The following FHIT variants were observed in gnomAD, a reference collection of about 807,000 sequenced individuals.
FHIT encodes bis(5'-adenosyl)-triphosphatase.
In FHIT, 19 loss-of-function variants were observed where a neutral mutation model predicts 17.9. The observed-to-expected ratio is 1.06, with a 90% CI of 0.74 to 1.56. The LOEUF is 1.56. Among genes scored for constraint, FHIT ranks in the 40% most tolerant of loss-of-function variants. The probability of loss-of-function intolerance (pLI) is 0.00; values close to 1 mark genes in which losing one functional copy is unlikely to be tolerated. For synonymous variants in FHIT, 81 were observed against 69.7 expected, an observed-to-expected ratio of 1.16 and a Z score of -0.81; for missense variants, 248 against 189.2, an observed-to-expected ratio of 1.31 and a Z score of -1.82.
At position 60,919,688 on chromosome 3, in the gene FHIT, G is replaced by T. The variant is rs1352418666; in HGVS notation, c.-110-97677C>A. 2.6e-5 allele frequency among the ~76,000 whole-genome samples: 4 copies of T among 152,116 alleles called. No homozygotes were observed. The East Asian group carries it at 7.7e-4, about 29-fold the overall frequency. On this transcript the variant is annotated intron_variant, in intron 3 of 9. Coordinates refer to ENST00000492590, the MANE Select transcript of FHIT (RefSeq NM_002012.4). ...TTTCACATATTTCAAATACTTACCA[G>T]GTCTTCGAATACTTTACCTGTCTAA...
chr3:60,476,539 C>G (rs1011504403), intron 5 of FHIT, among the ~76,000 whole-genome samples: 1 of 152,248 alleles, frequency 6.6e-6, no homozygotes, highest in East Asian at 1.9e-4. Flanking sequence ...GAGGGGTAAG[C>G]AAGGCTAGAA....
Position 59,979,551 on chromosome 3 carries a change from T to C in FHIT, c.279+31820A>G, listed in dbSNP as rs563816459. Among the ~76,000 whole-genome samples, 7 of 152,210 alleles carry C rather than the reference T, an allele frequency of 4.6e-5. No individual in the cohort carries two copies. In the South Asian group the frequency reaches 1.2e-3, roughly 27 times the overall value. On this transcript the variant is annotated intron_variant, in intron 7 of 9. Transcript: ENST00000492590. ...TCCCTTGGGGACATTTTTTTTCCTA[T>C]GGATCCCAAAATCTTTTTTAAATAG...
At chr3:60,146,263 G>A (rs1359940787) in intron 5 of FHIT, among the ~76,000 whole-genome samples, 1 of 151,178 alleles carries the variant, frequency 6.6e-6, no homozygotes, top group African/African-American at 2.4e-5. Flanking sequence ...AAAAAAAAGG[G>A]CAGGGGGTAG....
At chr3:60,422,139 C>G (rs1225477863) in intron 5 of FHIT, among the ~76,000 whole-genome samples, 1 of 152,148 alleles carries the variant, frequency 6.6e-6, no homozygotes, top group African/African-American at 2.4e-5. Flanking sequence ...TGCTTATAAG[C>G]AGCAGATTTT....
chr3:60,230,737 TCTCA>T (rs556482726), intron 5 of FHIT, among the ~76,000 whole-genome samples: 338 of 152,324 alleles, frequency 2.2e-3, no homozygotes, highest in Non-Finnish European at 2.9e-3. Flanking sequence ...TGAGATTGAA[TCTCA>T]CTCTGTCTGC....
At chr3:60,262,308 C>A (rs1031126454) in intron 5 of FHIT, among the ~76,000 whole-genome samples, 1 of 152,028 alleles carries the variant, frequency 6.6e-6, no homozygotes, top group Admixed American at 6.6e-5. Flanking sequence ...GAACCAGTAG[C>A]ATGGTGTATT....
intron 4 of FHIT, among the ~76,000 whole-genome samples, chr3:60,578,449 ACAC>A (rs2037644943): frequency 6.6e-6 from 1 of 150,486 alleles, no homozygotes; most frequent in African/African-American, 2.5e-5. Context: ...AAACACACAC[ACAC>A]ACACACACAC....
At chr3:60,580,053 C>A (rs147345983) in intron 4 of FHIT, among the ~76,000 whole-genome samples, 2 of 152,224 alleles carry the variant, frequency 1.3e-5, no homozygotes, top group African/African-American at 2.4e-5. Flanking sequence ...CATGTCTGCA[C>A]ATCTCTCATT....
chr3:61,018,036 A>T (rs1002077377), intron 3 of FHIT, among the ~76,000 whole-genome samples: 3 of 152,228 alleles, frequency 2.0e-5, no homozygotes, highest in African/African-American at 7.2e-5. Context: ...AAATAATGGC[A>T]ATTACTCATT....
At chr3:60,681,943 A>G (rs1176570539) in intron 4 of FHIT, among the ~76,000 whole-genome samples, 2 of 152,044 alleles carry the variant, frequency 1.3e-5, no homozygotes, top group African/African-American at 4.8e-5. Context: ...AGCTAAGATA[A>G]CTAATGAAGG....
rs982079864 is a variant in FHIT at position 60,339,691 on chromosome 3, G to A, written c.103+197169C>T. 4.3e-4 allele frequency among the ~76,000 whole-genome samples: 65 copies of A among 152,308 alleles called. 1 individual carries two copies. The highest frequency in any genetic ancestry group is 1.5e-3 in the African/African-American group (61 of 41,574). ...GTGGAATCCCTATTTTGTAACAGCTGTGAATCAAAACACTAGTGACTGAAA... is the reference window on the plus strand; with the variant it reads ...GTGGAATCCCTATTTTGTAACAGCTATGAATCAAAACACTAGTGACTGAAA... On this transcript the variant is annotated intron_variant, in intron 5 of 9. Coordinates refer to ENST00000492590, the MANE Select transcript of FHIT (RefSeq NM_002012.4).
chr3:60,565,263 C>G (rs550543089), intron 4 of FHIT, among the ~76,000 whole-genome samples: 12 of 152,118 alleles, frequency 7.9e-5, no homozygotes, highest in Non-Finnish European at 1.6e-4. Flanking sequence ...CACTTTTTCA[C>G]AGTGGTGTGT....
chr3:59,955,124 C>T (rs1346227577), intron 7 of FHIT, among the ~76,000 whole-genome samples: 1 of 152,188 alleles, frequency 6.6e-6, no homozygotes, highest in African/African-American at 2.4e-5. Context: ...AGCTATCGTA[C>T]AGCGTAGTTG....
intron 4 of FHIT, chr3:60,730,250 C>A (rs998164921): frequency 3.4e-5 from 9 of 262,390 alleles, no homozygotes; most frequent in Admixed American, 1.7e-4. Context: ...ACAGCCAGCT[C>A]ACTGATCATT....
intron 4 of FHIT, among the ~76,000 whole-genome samples, chr3:60,769,592 T>C (rs1211946593): frequency 1.3e-5 from 2 of 152,216 alleles, no homozygotes; most frequent in African/African-American, 2.4e-5. Flanking sequence ...GGGTGCCTCA[T>C]GGTCAGAACA....
Position 60,584,230 on chromosome 3 carries a change from G to A in FHIT, c.-17-47251C>T, listed in dbSNP as rs147067363. Among the ~76,000 whole-genome samples the A allele has an allele frequency of 2.0e-4, 31 of 152,102 alleles. No individual in the cohort carries two copies. The East Asian group carries it at 5.3e-3, about 26-fold the overall frequency. On this transcript the variant is annotated intron_variant, in intron 4 of 9. Transcript: ENST00000492590. ...GAGTTGATAACCTGAAATTGGCCAT[G>A]GTGGGAGCATCAGCACCACAGAAAT...
intron 5 of FHIT, among the ~76,000 whole-genome samples, chr3:60,393,214 C>A (rs1008533264): frequency 2.0e-5 from 3 of 151,918 alleles, no homozygotes; most frequent in African/African-American, 7.3e-5. Context: ...GACTAAATGG[C>A]TGGTATTATT....
intron 5 of FHIT, among the ~76,000 whole-genome samples, chr3:60,380,821 T>TTCTACCAGTGAATAGCTG (rs1254918065): frequency 6.6e-6 from 1 of 152,338 alleles, no homozygotes; most frequent in East Asian, 1.9e-4. Context: ...TCATAGGTTA[T>TTCTACCAGTGAATAGCTG]TCTACCAGTG....
intron 4 of FHIT, among the ~76,000 whole-genome samples, chr3:60,724,291 G>C (rs2041869694): frequency 6.6e-6 from 1 of 152,190 alleles, no homozygotes; most frequent in African/African-American, 2.4e-5. Flanking sequence ...GTTCCTCCAT[G>C]ATGTAACATG....
Sources: allele counts gnomAD v4.1 joint callset (sites outside exome capture counted in the v4.1 genomes callset), GRCh38; gene constraint gnomAD v4.1.1; transcripts MANE v1.5; gene names NCBI Gene and HGNC (gene_info 2026-07-23, HGNC 2026-07-21).